The following CCDC91 variants were observed in gnomAD, a reference collection of about 807,000 sequenced individuals.
CCDC91 encodes the protein coiled-coil domain-containing protein 91.
In CCDC91, 48 loss-of-function variants were observed where a neutral mutation model predicts 63.2. The ratio of observed to expected loss-of-function variants is 0.76; its 90% CI spans 0.60 to 0.97. CCDC91 has a LOEUF of 0.97. Ranked by LOEUF, CCDC91 falls within the 50% of genes least tolerant of loss-of-function variation. CCDC91 has a pLI of 0.00. For synonymous variants in CCDC91, 167 were observed against 165.8 expected, an observed-to-expected ratio of 1.01 and a Z score of -0.06; for missense variants, 500 against 494.6, an observed-to-expected ratio of 1.01 and a Z score of -0.10.
At chr12:28,321,249 T>C (rs1940469114) in intron 6 of CCDC91, among the ~76,000 whole-genome samples, 1 of 151,890 alleles carries the variant, frequency 6.6e-6, no homozygotes, top group Non-Finnish European at 1.5e-5. Flanking sequence ...CATATCCCAT[T>C]CCTCTTTTAT....
At chr12:28,223,149 A>T (rs977242740) in intron 1 of CCDC91, among the ~76,000 whole-genome samples, 20 of 152,142 alleles carry the variant, frequency 1.3e-4, no homozygotes, top group African/African-American at 4.6e-4. Context: ...TGAAAGTGTG[A>T]TGAAGCCTGT....
intron 1 of CCDC91, among the ~76,000 whole-genome samples, chr12:28,200,674 C>G (rs1367459553): frequency 6.6e-6 from 1 of 151,686 alleles, no homozygotes; most frequent in East Asian, 1.9e-4. Flanking sequence ...ATGTCTACCT[C>G]TTTCTACACA....
intron 3 of CCDC91, among the ~76,000 whole-genome samples, chr12:28,264,853 C>T (rs562605042): frequency 8.6e-5 from 13 of 152,008 alleles, no homozygotes; most frequent in African/African-American, 2.9e-4. Flanking sequence ...CATTCACTCA[C>T]TTAGCATATA....
At position 28,307,706 on chromosome 12, in the gene CCDC91, A is replaced by G; in HGVS notation, c.533A>G (p.Glu178Gly). The G allele has an allele frequency of 6.3e-7, 1 of 1,593,302 alleles. No homozygotes were observed. Among genetic ancestry groups the G allele is most frequent in the Non-Finnish European group, 8.6e-7 (1 of 1,168,982 alleles). ...GAAAAAGGCTTTCTAAAAGAAAAAGAGCAAGAGGCCATTTCTTTTCAAGAT... is the reference window on the plus strand; with the variant it reads ...GAAAAAGGCTTTCTAAAAGAAAAAGGGCAAGAGGCCATTTCTTTTCAAGAT... ...VLEKGFLKEK[E>G]QEAISFQDRY... The change falls in exon 6 of 13, where the codon GAG becomes GGG. Residue 178 changes from glutamate to glycine, a missense_variant. Physicochemically the swap from Glu to Gly is moderately conservative, Grantham distance 98. Coordinates refer to ENST00000536442, the MANE Select transcript of CCDC91 (RefSeq NM_018318.5).
At chr12:28,218,271 T>G (rs1404240982) in intron 1 of CCDC91, among the ~76,000 whole-genome samples, 1 of 152,150 alleles carries the variant, frequency 6.6e-6, no homozygotes, top group Non-Finnish European at 1.5e-5. Flanking sequence ...ACTGTGATCT[T>G]TCTACTCCCA....
At chr12:28,344,470 G>T (rs1368767030) in intron 6 of CCDC91, among the ~76,000 whole-genome samples, 1 of 151,922 alleles carries the variant, frequency 6.6e-6, no homozygotes, top group Non-Finnish European at 1.5e-5. Flanking sequence ...ATTTGAAAAA[G>T]ATTTATTTCA....
At chr12:28,422,050 T>C (rs1948047283) in intron 8 of CCDC91, among the ~76,000 whole-genome samples, 1 of 152,156 alleles carries the variant, frequency 6.6e-6, no homozygotes, top group African/African-American at 2.4e-5. Context: ...TATAATAGTC[T>C]TTGAAACGGT....
intron 3 of CCDC91, among the ~76,000 whole-genome samples, chr12:28,272,094 T>C (rs1485380631): frequency 2.6e-5 from 4 of 151,920 alleles, no homozygotes; most frequent in African/African-American, 9.7e-5. Flanking sequence ...TTTGGGAAGT[T>C]AGTTGATTCC....
At chr12:28,263,576 TG>T (rs928272479) in intron 3 of CCDC91, among the ~76,000 whole-genome samples, 1 of 152,098 alleles carries the variant, frequency 6.6e-6, no homozygotes, top group African/African-American at 2.4e-5. Flanking sequence ...GACCACATTT[TG>T]TTTATCTGTT....
intron 8 of CCDC91, among the ~76,000 whole-genome samples, chr12:28,398,032 C>T (rs914208877): frequency 6.6e-6 from 1 of 151,966 alleles, no homozygotes; most frequent in Admixed American, 6.6e-5. Flanking sequence ...CTGTATTCCC[C>T]AAATCTATCA....
At chr12:28,355,548 G>C (rs1943468840) in intron 6 of CCDC91, among the ~76,000 whole-genome samples, 1 of 152,112 alleles carries the variant, frequency 6.6e-6, no homozygotes, top group African/African-American at 2.4e-5. Flanking sequence ...AATTTAGTGT[G>C]ACCTGTTTAT....
intron 7 of CCDC91, among the ~76,000 whole-genome samples, chr12:28,385,921 G>A (rs958862978): frequency 1.1e-4 from 16 of 152,144 alleles, no homozygotes; most frequent in Admixed American, 2.6e-4. Flanking sequence ...TAATTCTCAC[G>A]TGTATTAACA....
intron 12 of CCDC91, among the ~76,000 whole-genome samples, chr12:28,514,051 T>C (rs576050716): frequency 1.2e-4 from 18 of 152,126 alleles, no homozygotes; most frequent in South Asian, 4.1e-4. Context: ...CTTTCCACAA[T>C]GGTTGAACTA....
At chr12:28,427,540 T>C (rs1948391887) in intron 8 of CCDC91, among the ~76,000 whole-genome samples, 1 of 152,134 alleles carries the variant, frequency 6.6e-6, no homozygotes, top group Non-Finnish European at 1.5e-5. Flanking sequence ...GTTCTCACTT[T>C]CATATTTATC....
chr12:28,341,054 A>G (rs1339688819), intron 6 of CCDC91, among the ~76,000 whole-genome samples: 4 of 152,116 alleles, frequency 2.6e-5, no homozygotes, highest in South Asian at 2.1e-4. Context: ...GTCCACCCCA[A>G]TCAAACCCTG....
At chr12:28,433,443 G>GA (rs1270928344) in intron 8 of CCDC91, among the ~76,000 whole-genome samples, 2 of 151,982 alleles carry the variant, frequency 1.3e-5, no homozygotes, top group South Asian at 4.2e-4. Flanking sequence ...TGGATGTTCA[G>GA]ATGTTCTAGC....
At chr12:28,443,144 C>CA (rs369950814) in intron 8 of CCDC91, among the ~76,000 whole-genome samples, 151,453 of 151,464 alleles carry the variant, frequency 1, 75,721 homozygotes, top group Middle Eastern at 1. Flanking sequence ...ATTTTTTTCC[C>CA]AGGTCTAGTT....
At chr12:28,240,299 G>A (rs1945249195) in intron 1 of CCDC91, among the ~76,000 whole-genome samples, 1 of 151,992 alleles carries the variant, frequency 6.6e-6, no homozygotes, top group African/African-American at 2.4e-5. Context: ...TTGTCTTAAT[G>A]CTTTAACGAA....
intron 3 of CCDC91, among the ~76,000 whole-genome samples, chr12:28,286,225 T>C (rs1463554499): frequency 6.6e-6 from 1 of 152,114 alleles, no homozygotes; most frequent in East Asian, 1.9e-4. Flanking sequence ...AAAAAACTTT[T>C]ATTTTAAGTT....
Sources: gnomAD v4.1 joint callset for allele counts (sites outside exome capture counted in the v4.1 genomes callset) on GRCh38, gnomAD v4.1.1 for gene constraint, MANE v1.5 for transcripts, NCBI Gene and HGNC (gene_info 2026-07-23, HGNC 2026-07-21) for gene names.